OR5K4: variants seen among roughly 807,000 people sequenced by gnomAD.
OR5K4 encodes the protein olfactory receptor 5K4.
Under a neutral mutation model 11.8 loss-of-function variants are expected in OR5K4, and 16 were observed. The observed-to-expected ratio is 1.36, with a 90% CI of 0.92 to 2.06. OR5K4 has a LOEUF of 2.06. Ranked by LOEUF, OR5K4 falls within the 30% of genes most tolerant of loss-of-function variation. The pLI is 0.00. For synonymous variants in OR5K4, 152 were observed against 135.1 expected (o/e 1.12, Z -0.87); for missense variants, 442 against 386.9 (o/e 1.14, Z -1.19).
Position 98,354,812 on chromosome 3 carries a change from T to TAAA in OR5K4, c.959_960insAAA (p.Ile320_Tyr321insAsn). The TAAA allele has an allele frequency of 8.5e-7, 1 of 1,173,456 alleles. No individual in the cohort carries two copies. Among genetic ancestry groups the TAAA allele is most frequent in the Non-Finnish European group, 1.2e-6 (1 of 840,158 alleles). The allele number at this position is 1,173,456 out of a possible 1,614,324, so 72.7% of individuals were successfully genotyped here. A position where few individuals can be genotyped will look rare whatever the true frequency, so the allele number is the denominator to read the frequency against. On this transcript the variant is annotated inframe_insertion, in exon 1 of 1. Coordinates refer to ENST00000354924, the MANE Select transcript of OR5K4 (RefSeq NM_001005517.1). ...TGCTCTATAGCAAATTTATTTTTAA[T>TAAA]TTATTAAAATGCTTTCATAAAGAGG... is the stretch of plus-strand genomic sequence containing the variant.
chr3:98,354,466 C>T lies in OR5K4; in HGVS notation c.613C>T (p.Pro205Ser). Residue 205 changes from proline (P) to serine (S), a missense_variant, in exon 1 of 1, where the codon CCA (proline) becomes TCA (serine). By Grantham distance (74) the Pro-to-Ser change is moderately conservative (BLOSUM62 -1). Coordinates refer to ENST00000354924, the MANE Select transcript of OR5K4 (RefSeq NM_001005517.1). ...NELMIYIFSI[P>S]IQIFTIATVL... Reference sequence around the variant, plus strand: ...ACTAATGATATATATCTTTTCAATACCAATTCAAATCTTTACCATTGCTAC... The same window carrying T: ...ACTAATGATATATATCTTTTCAATATCAATTCAAATCTTTACCATTGCTAC... 3 of 1,610,208 alleles carry T rather than the reference C, an allele frequency of 1.9e-6. No individual in the cohort carries two copies. Among genetic ancestry groups the T allele is most frequent in the Non-Finnish European group, 2.5e-6 (3 of 1,176,476 alleles).
rs774366009 is a variant in OR5K4, at chr3:98,354,650, A to T, written c.797A>T (p.Asp266Val). The change falls in exon 1 of 1, where the codon GAT becomes GTT. Residue 266 changes from aspartate (D) to valine (V), a missense_variant. Transcript: ENST00000354924. ...LMYIGPSEEG[D>V]KDTPVAIFYA... ...TATATTGGACCATCTGAAGAAGGAGATAAAGATACACCAGTGGCAATATTT... is the reference window on the plus strand; with the variant it reads ...TATATTGGACCATCTGAAGAAGGAGTTAAAGATACACCAGTGGCAATATTT... The T allele has an allele frequency of 6.2e-7, 1 of 1,611,562 alleles. No homozygotes were observed. The highest frequency in any genetic ancestry group is 2.2e-5 in the East Asian group (1 of 44,820).
In OR5K4 at chr3:98,354,591, C is replaced by T. The variant is rs201020679; in HGVS notation, c.738C>T (p.Leu246=). 21 of 1,613,528 alleles carry T rather than the reference C, an allele frequency of 1.3e-5. No homozygotes were observed. The highest frequency in any genetic ancestry group is 1.8e-5 in the Non-Finnish European group (21 of 1,179,866). The change falls in exon 1 of 1, where the codon CTC becomes CTT. Residue 246 remains leucine, a synonymous_variant. Transcript: ENST00000354924. ...KAFSTCASHF[L]SVSIFYICLL... ...TTTCTACCTGTGCATCCCACTTTCT[C>T]TCTGTCTCAATATTTTACATTTGTC...
rs1186540857 is a variant in OR5K4 at position 98,354,579 on chromosome 3, A to T, written c.726A>T (p.Ala242=). 6.2e-7 allele frequency: 1 copy of T among 1,613,854 alleles called. No homozygotes were observed. The highest frequency in any genetic ancestry group is 1.3e-5 in the African/African-American group (1 of 74,926). Residue 242 remains alanine, a synonymous_variant, in exon 1 of 1, where the codon GCA becomes GCT. Transcript: ENST00000354924. ...EGRGKAFSTC[A]SHFLSVSIFY... is the part of the protein sequence containing the mutation. ...GAGGTAAAGCATTTTCTACCTGTGC[A>T]TCCCACTTTCTCTCTGTCTCAATAT...
chr3:98,354,093 G>C lies in OR5K4; in HGVS notation c.240G>C (p.Lys80Asn). The change falls in exon 1 of 1, where the codon AAG becomes AAC. Residue 80 changes from lysine (K) to asparagine (N), a missense_variant. Lys to Asn is a moderately conservative substitution (Grantham distance 94). Coordinates refer to ENST00000354924, the MANE Select transcript of OR5K4 (RefSeq NM_001005517.1). ...DSCCSCAVTP[K>N]MLENFFSEDR... ...GCTGTTCCTGTGCTGTTACCCCCAAGATGTTAGAGAATTTCTTTTCTGAGG... is the reference window on the plus strand; with the variant it reads ...GCTGTTCCTGTGCTGTTACCCCCAACATGTTAGAGAATTTCTTTTCTGAGG... 1 of 1,614,190 alleles carries C rather than the reference G, an allele frequency of 6.2e-7. No individual in the cohort carries two copies. Among genetic ancestry groups the C allele is most frequent in the Non-Finnish European group, 8.5e-7 (1 of 1,180,026 alleles).
Position 98,354,704 on chromosome 3 carries a change from CT to C in OR5K4, c.855del (p.Phe285LeufsTer5). The C allele has an allele frequency of 6.2e-7, 1 of 1,601,574 alleles. No individual in the cohort carries two copies. The highest frequency in any genetic ancestry group is 8.5e-7 in the Non-Finnish European group (1 of 1,170,414). ...FYAIVIPLLN[P>X]FIYSLRNKEV... ...GCAATAGTAATCCCATTACTAAACC[CT>C]TTTATTTATAGTCTGAGAAATAAGG... On this transcript the variant is annotated frameshift_variant, in exon 1 of 1. Transcript: ENST00000354924. LOFTEE classifies it high-confidence loss of function.
At position 98,354,686 on chromosome 3, in the gene OR5K4, T is replaced by G; in HGVS notation, c.833T>G (p.Val278Gly). The change falls in exon 1 of 1, where the codon GTA becomes GGA. Residue 278 changes from valine to glycine, a missense_variant. Coordinates refer to ENST00000354924, the MANE Select transcript of OR5K4 (RefSeq NM_001005517.1). Reference sequence around the variant, plus strand: ...CCAGTGGCAATATTTTATGCAATAGTAATCCCATTACTAAACCCTTTTATT... The same window carrying G: ...CCAGTGGCAATATTTTATGCAATAGGAATCCCATTACTAAACCCTTTTATT... ...DTPVAIFYAIVIPLLNPFIYS... is the reference protein window; with the variant it reads ...DTPVAIFYAIGIPLLNPFIYS... 3.7e-6 allele frequency: 6 copies of G among 1,607,802 alleles called. No individual in the cohort carries two copies. The highest frequency in any genetic ancestry group is 5.1e-6 in the Non-Finnish European group (6 of 1,174,760).
chr3:98,353,986 C>G lies in OR5K4; in HGVS notation c.133C>G (p.Leu45Val). 1 of 1,614,128 alleles carries G rather than the reference C, an allele frequency of 6.2e-7. No individual in the cohort carries two copies. Among genetic ancestry groups the G allele is most frequent in the South Asian group, 1.1e-5 (1 of 91,086 alleles). The change falls in exon 1 of 1, where the codon CTG becomes GTG. Residue 45 changes from leucine (L) to valine (V), a missense_variant. Transcript: ENST00000354924. ...YLVTMVGNLGLVALIYVERRL... is the reference protein window; with the variant it reads ...YLVTMVGNLGVVALIYVERRL... Reference sequence around the variant, plus strand: ...GGTCACCATGGTGGGGAATCTTGGTCTGGTGGCATTAATTTATGTAGAGCG... The same window carrying G: ...GGTCACCATGGTGGGGAATCTTGGTGTGGTGGCATTAATTTATGTAGAGCG...
chr3:98,354,146 T>G lies in OR5K4; in HGVS notation c.293T>G (p.Met98Arg). 1 of 1,614,212 alleles carries G rather than the reference T, an allele frequency of 6.2e-7. No individual in the cohort carries two copies. ...EDRIISLYEC[M>R]AQFYFLCLAE... The stretch of plus-strand genomic sequence containing the variant: ...AGAATTATTTCCCTGTATGAATGTA[T>G]GGCACAATTTTATTTTCTCTGTCTT... The change falls in exon 1 of 1, where the codon ATG (methionine) becomes AGG (arginine). Residue 98 changes from methionine to arginine, a missense_variant. Transcript: ENST00000354924.
In OR5K4 at chr3:98,354,335, G is replaced by A. The variant is rs760990399; in HGVS notation, c.482G>A (p.Gly161Glu). 1 of 1,614,012 alleles carries A rather than the reference G, an allele frequency of 6.2e-7. No individual in the cohort carries two copies. Among genetic ancestry groups the A allele is most frequent in the South Asian group, 1.1e-5 (1 of 91,072 alleles). ...AGNLHSMIHV[G>E]LLLRLTFCRS... ...AACCTGCATTCCATGATTCATGTAG[G>A]GCTTTTATTAAGGTTAACTTTCTGC... Residue 161 changes from glycine (G) to glutamate (E), a missense_variant, in exon 1 of 1, where the codon GGG becomes GAG. Coordinates refer to ENST00000354924, the MANE Select transcript of OR5K4 (RefSeq NM_001005517.1).
At position 98,354,814 on chromosome 3, in the gene OR5K4, T is replaced by A; in HGVS notation, c.961T>A (p.Tyr321Asn). ...CTCTATAGCAAATTTATTTTTAATT[T>A]ATTAAAATGCTTTCATAAAGAGGGA... ...TCSIANLFLI[Y>N] Residue 321 changes from tyrosine (Y) to asparagine (N), a missense_variant, in exon 1 of 1, where the codon TAT becomes AAT. Coordinates refer to ENST00000354924, the MANE Select transcript of OR5K4 (RefSeq NM_001005517.1). 1 of 1,159,706 alleles carries A rather than the reference T, an allele frequency of 8.6e-7. No homozygotes were observed. Among genetic ancestry groups the A allele is most frequent in the Non-Finnish European group, 1.2e-6 (1 of 828,522 alleles). The allele number at this position is 1,159,706 out of a possible 1,614,324, so 71.8% of individuals were successfully genotyped here.
chr3:98,354,556 G>A lies in OR5K4; in HGVS notation c.703G>A (p.Gly235Ser), dbSNP rs1357445763. The A allele has an allele frequency of 2.5e-6, 4 of 1,613,948 alleles. No homozygotes were observed. The highest frequency in any genetic ancestry group is 1.7e-6 in the Non-Finnish European group (2 of 1,179,926). Residue 235 changes from glycine to serine, a missense_variant, in exon 1 of 1, where the codon GGT (glycine) becomes AGT (serine). Gly to Ser is a moderately conservative substitution (Grantham distance 56, BLOSUM62 0). Coordinates refer to ENST00000354924, the MANE Select transcript of OR5K4 (RefSeq NM_001005517.1). ...CAAAATGAAATCCAAGGAGGGAAGA[G>A]GTAAAGCATTTTCTACCTGTGCATC... ...VFKMKSKEGRGKAFSTCASHF... is the reference protein window; with the variant it reads ...VFKMKSKEGRSKAFSTCASHF...
rs201621138 is a variant in OR5K4 at position 98,354,041 on chromosome 3, T to C, written c.188T>C (p.Leu63Pro). The C allele has an allele frequency of 2.5e-4, 398 of 1,614,140 alleles. 2 individuals are homozygous for C. In the East Asian group the frequency reaches 8.8e-3, roughly 36 times the overall value. The change falls in exon 1 of 1, where the codon CTG becomes CCG. Residue 63 changes from leucine to proline, a missense_variant. By Grantham distance (98) the Leu-to-Pro change is moderately conservative. Transcript: ENST00000354924. ...RRLLTPMYIF[L>P]GNLALMDSCC... is the part of the protein sequence containing the mutation. ...CTTCTCACACCAATGTACATCTTTC[T>C]GGGCAACCTGGCTCTGATGGATTCC...
At position 98,354,167 on chromosome 3, in the gene OR5K4, G is replaced by T. The variant is rs1329176244; in HGVS notation, c.314G>T (p.Cys105Phe). The T allele has an allele frequency of 1.2e-6, 2 of 1,614,160 alleles. No homozygotes were observed. The highest frequency in any genetic ancestry group is 4.5e-5 in the East Asian group (2 of 44,878). ...TGTATGGCACAATTTTATTTTCTCT[G>T]TCTTGCTGAAACCACAGACTGCTTT... ...YECMAQFYFL[C>F]LAETTDCFLL... The change falls in exon 1 of 1, where the codon TGT (cysteine) becomes TTT (phenylalanine). Residue 105 changes from cysteine (C) to phenylalanine (F), a missense_variant. Physicochemically the swap from Cys to Phe is radical, Grantham distance 205. Coordinates refer to ENST00000354924, the MANE Select transcript of OR5K4 (RefSeq NM_001005517.1).
In OR5K4 at chr3:98,354,535, A is replaced by G; in HGVS notation, c.682A>G (p.Met228Val). The G allele has an allele frequency of 6.2e-7, 1 of 1,614,008 alleles. No individual in the cohort carries two copies. The highest frequency in any genetic ancestry group is 8.5e-7 in the Non-Finnish European group (1 of 1,179,906). ...CTGCATCCTTTTGACTGTTTTCAAA[A>G]TGAAATCCAAGGAGGGAAGAGGTAA... is the stretch of plus-strand genomic sequence containing the variant. The part of the protein sequence containing the change: ...YLCILLTVFK[M>V]KSKEGRGKAF... The change falls in exon 1 of 1, where the codon ATG becomes GTG. Residue 228 changes from methionine to valine, a missense_variant. Transcript: ENST00000354924.
At position 98,353,944 on chromosome 3, in the gene OR5K4, T is replaced by G; in HGVS notation, c.91T>G (p.Phe31Val). Residue 31 changes from phenylalanine (F) to valine (V), a missense_variant, in exon 1 of 1, where the codon TTC becomes GTC. Physicochemically the swap from Phe to Val is conservative, Grantham distance 50. Transcript: ENST00000354924. ...PELKTLLFVV[F>V]SAIYLVTMVG... The stretch of plus-strand genomic sequence containing the variant: ...GCTGAAGACGCTTCTGTTTGTGGTG[T>G]TCTCTGCCATCTATCTGGTCACCAT... 6.2e-7 allele frequency: 1 copy of G among 1,614,172 alleles called. No individual in the cohort carries two copies.
rs145946605 is a variant in OR5K4 at position 98,354,292 on chromosome 3, G to A, written c.439G>A (p.Gly147Arg). ...SKTLCIRMTT[G>R]AFKAGNLHSM... ...GACGCTCTGCATTCGGATGACCACA[G>A]GGGCCTTCAAAGCTGGAAACCTGCA... The change falls in exon 1 of 1, where the codon GGG (glycine) becomes AGG (arginine). Residue 147 changes from glycine (G) to arginine (R), a missense_variant. Gly to Arg is a moderately radical substitution (Grantham distance 125). Coordinates refer to ENST00000354924, the MANE Select transcript of OR5K4 (RefSeq NM_001005517.1). 1.7e-5 allele frequency: 28 copies of A among 1,614,046 alleles called. No homozygotes were observed. In the African/African-American group the frequency reaches 2.7e-4, roughly 15 times the overall value.
chr3:98,354,244 C>T lies in OR5K4; in HGVS notation c.391C>T (p.Gln131Ter), dbSNP rs764445513. ...CTATGTGGCCATATGCCACCCACTG[C>T]AGTACCACACCATGATGTCCAAGAC... ...DRYVAICHPLQYHTMMSKTLC... is the reference protein window; with the variant it reads ...DRYVAICHPL Residue 131 changes from glutamine (Q) to a stop codon, truncating the protein, a stop_gained, in exon 1 of 1, where the codon CAG (glutamine) becomes TAG (stop). Coordinates refer to ENST00000354924, the MANE Select transcript of OR5K4 (RefSeq NM_001005517.1). LOFTEE classifies it high-confidence loss of function. The T allele has an allele frequency of 1.9e-6, 3 of 1,614,240 alleles. No individual in the cohort carries two copies. Among genetic ancestry groups the T allele is most frequent in the East Asian group, 2.2e-5 (1 of 44,880 alleles).
chr3:98,354,780 A>T lies in OR5K4; in HGVS notation c.927A>T (p.Lys309Asn), dbSNP rs1707041336. Residue 309 changes from lysine (K) to asparagine (N), a missense_variant, in exon 1 of 1, where the codon AAA becomes AAT. By Grantham distance (94) the Lys-to-Asn change is moderately conservative (BLOSUM62 0). Coordinates refer to ENST00000354924, the MANE Select transcript of OR5K4 (RefSeq NM_001005517.1). ...KKIMRNYNIL[K>N]QTCSIANLFL... ...TTATGAGGAATTATAACATTCTTAA[A>T]CAAACTTGCTCTATAGCAAATTTAT... is the stretch of plus-strand genomic sequence containing the variant. The T allele has an allele frequency of 7.1e-7, 1 of 1,415,452 alleles. No individual in the cohort carries two copies. The highest frequency in any genetic ancestry group is 1.3e-5 in the South Asian group (1 of 77,802). The allele number at this position is 1,415,452 out of a possible 1,614,324, so 87.7% of individuals were successfully genotyped here. A position where few individuals can be genotyped will look rare whatever the true frequency, so the allele number is the denominator to read the frequency against.
Sources: gnomAD v4.1 joint callset for allele counts on GRCh38, gnomAD v4.1.1 for gene constraint, MANE v1.5 for transcripts, NCBI Gene and HGNC (gene_info 2026-07-23, HGNC 2026-07-21) for gene names.